Variants in IL17RD observed in about 807,000 individuals in gnomAD.
The protein encoded by IL17RD is interleukin 17 receptor D.
IL17RD carries 52 observed loss-of-function variants against 80.5 expected under a neutral mutation model. The observed-to-expected ratio is 0.65, with a 90% confidence interval of 0.52 to 0.81. The LOEUF is 0.81. Among genes scored for constraint, IL17RD ranks in the 40% least tolerant of loss-of-function variants. The pLI, the probability that IL17RD is intolerant of heterozygous loss-of-function variation, is 0.00. For missense variants in IL17RD, 1,024 were observed against 955.1 expected, an observed-to-expected ratio of 1.07 and a Z score of -0.95; for synonymous variants, 416 against 391.8, an observed-to-expected ratio of 1.06 and a Z score of -0.73.
At chr3:57,105,331 A>G (rs1706929415) in intron 7 of IL17RD, among the ~76,000 whole-genome samples, 1 of 151,852 alleles carries the variant, frequency 6.6e-6, no homozygotes, top group Non-Finnish European at 1.5e-5. Flanking sequence ...TGAGGTCAGG[A>G]GTCTAAGACC....
chr3:57,134,830 G>T (rs551980797), intron 1 of IL17RD: 2 of 367,822 alleles, frequency 5.4e-6, no homozygotes, highest in East Asian at 1.2e-4. Context: ...GCTAAGAATG[G>T]GGGCTAGGTG....
At chr3:57,106,233 T>A in intron 5 of IL17RD, 79 bp from the exon 6 acceptor site, 1 of 1,027,058 alleles carries the variant, frequency 9.7e-7, no homozygotes, top group Non-Finnish European at 1.5e-6. Flanking sequence ...CAATGAAATA[T>A]AAAGATACTG....
At chr3:57,101,612 G>A (rs1706832593) in intron 10 of IL17RD, among the ~76,000 whole-genome samples, 1 of 152,120 alleles carries the variant, frequency 6.6e-6, no homozygotes, top group African/African-American at 2.4e-5. Context: ...ATGCTGCAGG[G>A]GTCACCCTGG....
intron 1 of IL17RD, among the ~76,000 whole-genome samples, chr3:57,135,245 C>A (rs576454022): frequency 6.6e-6 from 1 of 152,282 alleles, no homozygotes; most frequent in East Asian, 1.9e-4. Flanking sequence ...TCCTGGAGCA[C>A]TGAGGAGGTG....
intron 1 of IL17RD, among the ~76,000 whole-genome samples, chr3:57,130,275 C>G (rs1480223505): frequency 6.6e-6 from 1 of 152,200 alleles, no homozygotes; most frequent in African/African-American, 2.4e-5. Flanking sequence ...CATGTTTAGA[C>G]ACAAAAAATC....
chr3:57,128,487 T>C (rs554463248), intron 1 of IL17RD, among the ~76,000 whole-genome samples: 3 of 152,220 alleles, frequency 2.0e-5, no homozygotes, highest in African/African-American at 4.8e-5. Context: ...CTTATCAAAC[T>C]GAAAGCTCTA....
At chr3:57,153,180 G>A (rs2060240721) in intron 1 of IL17RD, among the ~76,000 whole-genome samples, 1 of 152,210 alleles carries the variant, frequency 6.6e-6, no homozygotes, top group Non-Finnish European at 1.5e-5. Flanking sequence ...AAGGCTTAAT[G>A]TGAAACACTG....
In IL17RD at chr3:57,142,796, A is replaced by C. The variant is rs541334716; in HGVS notation, c.126+22365T>G. Among the ~76,000 whole-genome samples, 22 of 147,174 alleles carry C rather than the reference A, an allele frequency of 1.5e-4. 1 individual carries two copies. The East Asian group carries it at 4.1e-3, about 28-fold the overall frequency. ...CCACCCTGGGGATAAAGCTTCATTT[A>C]AAAAAAAAAACTTTAAACTGGAATG... On this transcript the variant is annotated intron_variant, in intron 1 of 12. Transcript: ENST00000296318.
At chr3:57,107,662 A>T (rs1271612629) in intron 5 of IL17RD, among the ~76,000 whole-genome samples, 1 of 152,230 alleles carries the variant, frequency 6.6e-6, no homozygotes, top group Non-Finnish European at 1.5e-5. Flanking sequence ...CAACTCAGGA[A>T]GATTAAAGAG....
chr3:57,098,027 C>A lies in IL17RD; in HGVS notation c.1676G>T (p.Trp559Leu). The change falls in exon 12 of 13, where the codon TGG (tryptophan) becomes TTG (leucine). Residue 559 changes from tryptophan (W) to leucine (L), a missense_variant. By Grantham distance (61) the Trp-to-Leu change is moderately conservative. Transcript: ENST00000296318. The stretch of plus-strand genomic sequence containing the variant: ...GAAGGGAACGAACTGCTTTTCGAAC[C>A]AGTCGGGCTCCTCGTCAATAAACTG... ...MHQFIDEEPD[W>L]FEKQFVPFHP... The A allele has an allele frequency of 1.2e-6, 2 of 1,614,040 alleles. No individual in the cohort carries two copies. The highest frequency in any genetic ancestry group is 2.2e-5 in the South Asian group (2 of 91,082).
intron 1 of IL17RD, among the ~76,000 whole-genome samples, chr3:57,125,412 GA>G (rs10713155): frequency 0.025 from 3,557 of 143,788 alleles, 126 homozygotes; most frequent in African/African-American, 0.082. Context: ...CATCTCTAAA[GA>G]AAAAAAAAAA....
intron 3 of IL17RD, among the ~76,000 whole-genome samples, chr3:57,111,705 T>C (rs1453142644): frequency 1.3e-5 from 2 of 151,990 alleles, no homozygotes; most frequent in South Asian, 2.1e-4. Flanking sequence ...GCGCGGTGAC[T>C]CACGCCTGTA....
At chr3:57,137,713 T>G (rs1376920061) in intron 1 of IL17RD, among the ~76,000 whole-genome samples, 2 of 152,152 alleles carry the variant, frequency 1.3e-5, no homozygotes, top group Non-Finnish European at 2.9e-5. Context: ...CGCTTCCAAT[T>G]TTCACTTCTC....
intron 2 of IL17RD, 68 bp from the exon 3 acceptor site, chr3:57,114,885 C>G: frequency 7.5e-7 from 1 of 1,326,516 alleles, no homozygotes; most frequent in Non-Finnish European, 1.0e-6. Flanking sequence ...TTCATCTTAT[C>G]AAAATAAACA....
intron 2 of IL17RD, among the ~76,000 whole-genome samples, chr3:57,119,811 C>T (rs1392736012): frequency 1.3e-5 from 2 of 152,222 alleles, no homozygotes; most frequent in South Asian, 2.1e-4. Context: ...AATCAATTTG[C>T]TACCTTCAGT....
chr3:57,134,412 G>A (rs538450827), intron 1 of IL17RD: 7 of 726,290 alleles, frequency 9.6e-6, no homozygotes, highest in Admixed American at 1.8e-5. Context: ...GCCAGGGAAC[G>A]TAACTTGGAT....
At chr3:57,123,360 C>T (rs982756052) in intron 1 of IL17RD, among the ~76,000 whole-genome samples, 2 of 152,228 alleles carry the variant, frequency 1.3e-5, no homozygotes, top group African/African-American at 2.4e-5. Flanking sequence ...TGATGTGACA[C>T]CTGCCTACCT....
In IL17RD at chr3:57,098,028, A is replaced by G. The variant is rs780641985; in HGVS notation, c.1675T>C (p.Trp559Arg). 7 of 1,613,940 alleles carry G rather than the reference A, an allele frequency of 4.3e-6. No individual in the cohort carries two copies. The Admixed American group carries it at 6.7e-5, about 15-fold the overall frequency. ...AAGGGAACGAACTGCTTTTCGAACC[A>G]GTCGGGCTCCTCGTCAATAAACTGG... ...MHQFIDEEPDWFEKQFVPFHP... is the reference protein window; with the variant it reads ...MHQFIDEEPDRFEKQFVPFHP... The change falls in exon 12 of 13, where the codon TGG becomes CGG. Residue 559 changes from tryptophan to arginine, a missense_variant. Trp to Arg is a moderately radical substitution (Grantham distance 101, BLOSUM62 -3). Transcript: ENST00000296318.
chr3:57,153,230 C>T (rs1044079854), intron 1 of IL17RD, among the ~76,000 whole-genome samples: 7 of 152,216 alleles, frequency 4.6e-5, no homozygotes, highest in African/African-American at 1.4e-4. Flanking sequence ...CTGGGTACTA[C>T]TATTAGCACA....
Sources: gnomAD v4.1 joint callset for allele counts (sites outside exome capture counted in the v4.1 genomes callset) on GRCh38, gnomAD v4.1.1 for gene constraint, MANE v1.5 for transcripts, NCBI Gene and HGNC (gene_info 2026-07-23, HGNC 2026-07-21) for gene names.